HMCN1: variants seen among roughly 807,000 people sequenced by gnomAD.
The protein encoded by HMCN1 is hemicentin 1.
Under a neutral mutation model 625.9 loss-of-function variants are expected in HMCN1, and 321 were observed. That is an observed-to-expected ratio of 0.51 (90% CI 0.47 to 0.56). HMCN1 has a LOEUF of 0.56. Ranked by LOEUF, HMCN1 falls within the 20% of genes least tolerant of loss-of-function variation. HMCN1 has a pLI of 0.00. For missense variants in HMCN1, 6,588 were observed against 6,887.3 expected (o/e 0.96, Z 1.54); for synonymous variants, 2,425 against 2,417.6 (o/e 1.00, Z -0.09).
At chr1:186,120,236 G>T (rs1485697626) in intron 80 of HMCN1, 91 bp downstream of exon 80, 6 of 1,369,494 alleles carry the variant, frequency 4.4e-6, no homozygotes, top group Non-Finnish European at 5.1e-6. Flanking sequence ...TTATGCTGCT[G>T]TTCCCCCATA....
chr1:185,796,501 C>G (rs574522941), intron 1 of HMCN1, among the ~76,000 whole-genome samples: 21 of 152,344 alleles, frequency 1.4e-4, no homozygotes, highest in African/African-American at 5.0e-4. Flanking sequence ...TATTTAGCTT[C>G]CGCTTATAAG....
rs570611281 is a variant in HMCN1 at position 186,145,301 on chromosome 1, T to C, written c.14267-102T>C. On this transcript the variant is annotated intron_variant, in intron 91 of 106. Coordinates refer to ENST00000271588, the MANE Select transcript of HMCN1 (RefSeq NM_031935.3). ...GACTTGCATGTTTTGTTTTAGGTGC[T>C]GAGAAGAGACTTTTTTTTTAATACT... The C allele has an allele frequency of 8.2e-6, 10 of 1,212,920 alleles. No individual in the cohort carries two copies. The African/African-American group carries it at 9.1e-5, about 11-fold the overall frequency. The allele number at this position is 1,212,920 out of a possible 1,614,324, so 75.1% of individuals were successfully genotyped here.
At chr1:185,945,182 T>C (rs1014313325) in intron 11 of HMCN1, among the ~76,000 whole-genome samples, 4 of 152,244 alleles carry the variant, frequency 2.6e-5, no homozygotes, top group African/African-American at 9.6e-5. Flanking sequence ...GTGTGATATG[T>C]CAGAAACATT....
At position 185,962,567 on chromosome 1, in the gene HMCN1, G is replaced by C. The variant is rs777953138; in HGVS notation, c.1878G>C (p.Gly626=). Residue 626 remains glycine (G), a synonymous_variant, in exon 12 of 107, where the codon GGG becomes GGC. Transcript: ENST00000271588. The part of the protein sequence containing the change: ...VMPKNQSFTG[G]SEVSIMCSAT... ...CCAAGAATCAGTCTTTCACAGGAGG[G>C]TCTGAGGTCTCCATCATGTGTTCTG... 1 of 1,611,054 alleles carries C rather than the reference G, an allele frequency of 6.2e-7. No individual in the cohort carries two copies. The highest frequency in any genetic ancestry group is 8.5e-7 in the Non-Finnish European group (1 of 1,177,264).
intron 11 of HMCN1, among the ~76,000 whole-genome samples, chr1:185,952,504 G>A (rs547554336): frequency 8.6e-5 from 13 of 151,802 alleles, no homozygotes; most frequent in Admixed American, 4.6e-4. Context: ...ACTAGGAAGG[G>A]ACTGATGTGT....
chr1:186,032,737 A>G (rs1655541992), intron 36 of HMCN1, among the ~76,000 whole-genome samples: 1 of 108,022 alleles, frequency 9.3e-6, no homozygotes, highest in African/African-American at 3.9e-5. Context: ...CAATGGCCAT[A>G]AGTAAAAAGA....
At position 186,178,729 on chromosome 1, in the gene HMCN1, C is replaced by T; in HGVS notation, c.16257C>T (p.Cys5419=). The change falls in exon 104 of 107, where the codon TGC becomes TGT. Residue 5419 remains cysteine (C), a synonymous_variant. Coordinates refer to ENST00000271588, the MANE Select transcript of HMCN1 (RefSeq NM_031935.3). ...SRTRRTIRKT[C]PEGSEASHDT... is the part of the protein sequence containing the mutation. ...CTAGAAGGACTATTAGGAAAACTTG[C>T]CCTGAAGGCTCTGAGGCAAGCCATG... 1 of 1,613,932 alleles carries T rather than the reference C, an allele frequency of 6.2e-7. No homozygotes were observed. The highest frequency in any genetic ancestry group is 1.3e-5 in the African/African-American group (1 of 75,028).
chr1:186,100,685 T>C (rs1195296195), intron 68 of HMCN1, among the ~76,000 whole-genome samples: 1 of 152,192 alleles, frequency 6.6e-6, no homozygotes, highest in Non-Finnish European at 1.5e-5. Context: ...GAGACCAGTA[T>C]AAGGAATTGT....
chr1:185,925,223 C>A (rs1221787012), intron 9 of HMCN1, 32 bp downstream of exon 9: 1 of 1,577,528 alleles, frequency 6.3e-7, no homozygotes, highest in Non-Finnish European at 8.7e-7. Flanking sequence ...TAATAAGATT[C>A]AGCATTTAAC....
chr1:186,178,806 T>C, intron 104 of HMCN1, 40 bp downstream of exon 104: 1 of 1,305,642 alleles, frequency 7.7e-7, no homozygotes, highest in Non-Finnish European at 1.1e-6. Flanking sequence ...CTGTGGGCTC[T>C]CTTACTGATC....
intron 1 of HMCN1, among the ~76,000 whole-genome samples, chr1:185,748,825 A>T (rs1434876006): frequency 2.6e-5 from 4 of 152,206 alleles, no homozygotes; most frequent in African/African-American, 9.7e-5. Context: ...TTTGGTGCAA[A>T]GCCTGACACA....
At chr1:185,781,095 G>A (rs933334608) in intron 1 of HMCN1, among the ~76,000 whole-genome samples, 1 of 152,170 alleles carries the variant, frequency 6.6e-6, no homozygotes, top group African/African-American at 2.4e-5. Flanking sequence ...ATGTGTCCAG[G>A]AATGTATCCA....
At chr1:185,896,337 A>G (rs1665489567) in intron 4 of HMCN1, among the ~76,000 whole-genome samples, 1 of 152,156 alleles carries the variant, frequency 6.6e-6, no homozygotes, top group African/African-American at 2.4e-5. Context: ...CATAGTATTA[A>G]TAAGTATGTA....
chr1:185,851,721 G>T lies in HMCN1; in HGVS notation c.339+5625G>T, dbSNP rs371147412. 5.3e-4 allele frequency among the ~76,000 whole-genome samples: 81 copies of T among 152,044 alleles called. 2 individuals are homozygous for T. The East Asian group carries it at 0.015, about 28-fold the overall frequency. On this transcript the variant is annotated intron_variant, in intron 2 of 106. Coordinates refer to ENST00000271588, the MANE Select transcript of HMCN1 (RefSeq NM_031935.3). ...TGTTGATTTTTAGAAAATGGTATTG[G>T]CAGTGATATGCTTTCAAGCCTTTTA...
At chr1:185,831,723 A>C (rs1238483738) in intron 1 of HMCN1, among the ~76,000 whole-genome samples, 2 of 152,332 alleles carry the variant, frequency 1.3e-5, no homozygotes, top group East Asian at 3.9e-4. Flanking sequence ...TTCAGAACGT[A>C]TAATAGAAGA....
intron 1 of HMCN1, among the ~76,000 whole-genome samples, chr1:185,789,546 A>G (rs1028379535): frequency 1.3e-5 from 2 of 152,228 alleles, no homozygotes; most frequent in South Asian, 2.1e-4. Flanking sequence ...TGTAAATGTT[A>G]TGCAACAAAA....
chr1:185,894,440 A>T (rs1355845759), intron 4 of HMCN1, among the ~76,000 whole-genome samples: 1 of 152,250 alleles, frequency 6.6e-6, no homozygotes, highest in Non-Finnish European at 1.5e-5. Flanking sequence ...TAATGCAAAT[A>T]GCATTGTTCA....
intron 1 of HMCN1, among the ~76,000 whole-genome samples, chr1:185,750,090 A>G (rs1654693438): frequency 6.6e-6 from 1 of 152,198 alleles, no homozygotes; most frequent in Admixed American, 6.5e-5. Context: ...TTGTCTTTAG[A>G]GATGATGTGA....
At chr1:186,152,358 T>C (rs1650727292) in intron 95 of HMCN1, among the ~76,000 whole-genome samples, 1 of 152,176 alleles carries the variant, frequency 6.6e-6, no homozygotes, top group South Asian at 2.1e-4. Context: ...CAATTGGTTC[T>C]TTTCATGGGC....
Sources: allele counts gnomAD v4.1 joint callset (sites outside exome capture counted in the v4.1 genomes callset), GRCh38; gene constraint gnomAD v4.1.1; transcripts MANE v1.5; gene names NCBI Gene and HGNC (gene_info 2026-07-23, HGNC 2026-07-21).